TGFB2: variants seen among roughly 807,000 people sequenced by gnomAD.
TGFB2 encodes the protein transforming growth factor beta 2, also known as transforming growth factor beta-2 proprotein.
TGFB2 carries 13 observed loss-of-function variants against 42.7 expected under a neutral mutation model. The ratio of observed to expected loss-of-function variants is 0.30; its 90% CI spans 0.20 to 0.48. The LOEUF is 0.48. Among genes scored for constraint, TGFB2 ranks in the 20% least tolerant of loss-of-function variants. TGFB2 has a pLI of 0.99. For missense variants in TGFB2, 390 were observed against 517.5 expected, an observed-to-expected ratio of 0.75 and a Z score of 2.39; for synonymous variants, 193 against 193.6, an observed-to-expected ratio of 1.00 and a Z score of 0.03.
chr1:218,400,435 T>A (rs367572233), intron 1 of TGFB2, among the ~76,000 whole-genome samples: 14 of 152,070 alleles, frequency 9.2e-5, no homozygotes, highest in African/African-American at 3.4e-4. Flanking sequence ...ACTTGGAACA[T>A]GTAGTCCAGC....
At position 218,434,454 on chromosome 1, in the gene TGFB2, CA is replaced by C. The variant is rs1553303016; in HGVS notation, c.754+10del. The C allele has an allele frequency of 6.4e-7, 1 of 1,574,398 alleles. No individual in the cohort carries two copies. The highest frequency in any genetic ancestry group is 1.4e-5 in the African/African-American group (1 of 73,866). ...ACTAGAAGCAAGATTTGCAGGTAAC[CA>C]AAACTTGGTCATATGAGGTGGGGGA... On this transcript the variant is annotated splice_region_variant and intron_variant, in intron 4 of 6. Transcript: ENST00000366930.
chr1:218,438,875 G>A lies in TGFB2; in HGVS notation c.1086+1379G>A, dbSNP rs10482829. On this transcript the variant is annotated intron_variant, in intron 6 of 6. Coordinates refer to ENST00000366930, the MANE Select transcript of TGFB2 (RefSeq NM_003238.6). Reference sequence around the variant, plus strand: ...TGTATTTCCAGCACTTCGGGAGGCCGAGGCAGGTGGATCACGAGGTCAGGA... The same window carrying A: ...TGTATTTCCAGCACTTCGGGAGGCCAAGGCAGGTGGATCACGAGGTCAGGA... Among the ~76,000 whole-genome samples, 133 of 152,258 alleles carry A rather than the reference G, an allele frequency of 8.7e-4. 1 individual carries two copies. In the East Asian group the frequency reaches 0.01, roughly 12 times the overall value.
intron 1 of TGFB2, among the ~76,000 whole-genome samples, chr1:218,358,397 CT>C (rs1445580027): frequency 6.6e-6 from 1 of 152,158 alleles, no homozygotes; most frequent in Non-Finnish European, 1.5e-5. Flanking sequence ...GTAGCAGTAA[CT>C]TTGTCATTTC....
At position 218,437,374 on chromosome 1, in the gene TGFB2, C is replaced by T. The variant is rs2102630024; in HGVS notation, c.964C>T (p.Leu322Phe). 2 of 1,605,942 alleles carry T rather than the reference C, an allele frequency of 1.2e-6. No homozygotes were observed. Among genetic ancestry groups the T allele is most frequent in the African/African-American group, 1.4e-5 (1 of 73,584 alleles). Residue 322 changes from leucine to phenylalanine, a missense_variant, in exon 6 of 7, where the codon CTT becomes TTT. Leu to Phe is a conservative substitution (Grantham distance 22). Coordinates refer to ENST00000366930, the MANE Select transcript of TGFB2 (RefSeq NM_003238.6). ...NVQDNCCLRP[L>F]YIDFKRDLGW... is the part of the protein sequence containing the mutation. ...GCAGGATAATTGCTGCCTACGTCCA[C>T]TTTACATTGATTTCAAGAGGGATCT...
intron 1 of TGFB2, among the ~76,000 whole-genome samples, chr1:218,386,436 G>A (rs1343161317): frequency 1.3e-5 from 2 of 152,190 alleles, no homozygotes; most frequent in East Asian, 1.9e-4. Context: ...TTCAAATGTA[G>A]GCACTGCTCC....
chr1:218,381,258 G>GC (rs563359869), intron 1 of TGFB2, among the ~76,000 whole-genome samples: 3 of 137,746 alleles, frequency 2.2e-5, no homozygotes, highest in Non-Finnish European at 4.7e-5. Flanking sequence ...TTTTGTTTTT[G>GC]TTTTTTTTTT....
chr1:218,375,902 T>C (rs1452185365), intron 1 of TGFB2, among the ~76,000 whole-genome samples: 1 of 152,194 alleles, frequency 6.6e-6, no homozygotes, highest in East Asian at 1.9e-4. Context: ...ATCCTGCATA[T>C]GTACCCCTGA....
chr1:218,444,465 G>A lies in TGFB2; in HGVS notation c.*3103G>A, dbSNP rs1660256389. On this transcript the variant is annotated 3_prime_UTR_variant, in exon 7 of 7. Coordinates refer to ENST00000366930, the MANE Select transcript of TGFB2 (RefSeq NM_003238.6). Reference sequence around the variant, plus strand: ...GTTGGTTGTTTGGGATCAGCTACTTGCCTGTCAGTTTCACTGGTACCACTG... The same window carrying A: ...GTTGGTTGTTTGGGATCAGCTACTTACCTGTCAGTTTCACTGGTACCACTG... 1.3e-5 allele frequency: 2 copies of A among 152,144 alleles called. No homozygotes were observed. Among genetic ancestry groups the A allele is most frequent in the South Asian group, 4.1e-4 (2 of 4,826 alleles). 9.4% of individuals were successfully genotyped at this position (152,144 alleles called of 1,614,324 possible).
At chr1:218,430,190 CG>C (rs1558260232) in intron 2 of TGFB2, among the ~76,000 whole-genome samples, 1 of 151,476 alleles carries the variant, frequency 6.6e-6, no homozygotes, top group African/African-American at 2.4e-5. Flanking sequence ...GTGGGTGGCT[CG>C]AGACCAGCCT....
chr1:218,361,009 C>A (rs1657191913), intron 1 of TGFB2, among the ~76,000 whole-genome samples: 1 of 152,224 alleles, frequency 6.6e-6, no homozygotes, highest in Non-Finnish European at 1.5e-5. Flanking sequence ...CACGTGGCAC[C>A]ACACCCAGTT....
intron 1 of TGFB2, among the ~76,000 whole-genome samples, chr1:218,368,022 C>G (rs756685775): frequency 6.6e-6 from 1 of 152,098 alleles, no homozygotes; most frequent in Non-Finnish European, 1.5e-5. Context: ...AGTATGGTCT[C>G]GATCTCTTGA....
At chr1:218,418,927 AC>A (rs369057393) in intron 2 of TGFB2, among the ~76,000 whole-genome samples, 136 of 152,212 alleles carry the variant, frequency 8.9e-4, no homozygotes, top group African/African-American at 3.2e-3. Flanking sequence ...AGTCCAATAA[AC>A]CTTTTTATTT....
At chr1:218,365,605 A>T (rs1049535533) in intron 1 of TGFB2, among the ~76,000 whole-genome samples, 22 of 151,840 alleles carry the variant, frequency 1.4e-4, no homozygotes, top group Admixed American at 1.2e-3. Context: ...GGCTCTGGAA[A>T]AACCCTGCAG....
chr1:218,403,922 G>GT (rs749356103), intron 1 of TGFB2, among the ~76,000 whole-genome samples: 8 of 152,084 alleles, frequency 5.3e-5, no homozygotes, highest in Admixed American at 1.3e-4. Context: ...AAACATACCT[G>GT]TAACAAGTGG....
At position 218,442,310 on chromosome 1, in the gene TGFB2, T is replaced by C. The variant is rs914154165; in HGVS notation, c.*948T>C. ...TCCTTTGTTTTGGTATATGTAACCA[T>C]ACCTATATTATTAAAATAGATGGAT... On this transcript the variant is annotated 3_prime_UTR_variant, in exon 7 of 7. Transcript: ENST00000366930. The C allele has an allele frequency of 3.3e-5, 5 of 152,294 alleles. No homozygotes were observed. Among genetic ancestry groups the C allele is most frequent in the Non-Finnish European group, 7.4e-5 (5 of 67,984 alleles). The allele number at this position is 152,294 out of a possible 1,614,324, so 9.4% of individuals were successfully genotyped here. A position where few individuals can be genotyped will look rare whatever the true frequency, so the allele number is the denominator to read the frequency against.
intron 6 of TGFB2, 137 bp downstream of exon 6, chr1:218,437,633 A>T: frequency 1.0e-6 from 1 of 959,180 alleles, no homozygotes; most frequent in Non-Finnish European, 1.4e-6. Flanking sequence ...AAAATCTTTC[A>T]TTAGGTTGGT....
chr1:218,437,357 A>G lies in TGFB2; in HGVS notation c.947A>G (p.Asn316Ser), dbSNP rs754350645. 2.5e-6 allele frequency: 4 copies of G among 1,595,452 alleles called. No homozygotes were observed. Among genetic ancestry groups the G allele is most frequent in the African/African-American group, 1.4e-5 (1 of 73,086 alleles). The change falls in exon 6 of 7, where the codon AAT (asparagine) becomes AGT (serine). Residue 316 changes from asparagine (N) to serine (S), a missense_variant. Transcript: ENST00000366930. ...AAYCFRNVQD[N>S]CCLRPLYIDF... Reference sequence around the variant, plus strand: ...TTTTTTAACAGAAATGTGCAGGATAATTGCTGCCTACGTCCACTTTACATT... The same window carrying G: ...TTTTTTAACAGAAATGTGCAGGATAGTTGCTGCCTACGTCCACTTTACATT...
At chr1:218,434,030 A>G (rs1659889811) in intron 2 of TGFB2, 52 bp from the exon 3 acceptor site, 3 of 1,606,452 alleles carry the variant, frequency 1.9e-6, no homozygotes, top group Non-Finnish European at 1.7e-6. Flanking sequence ...TGGTTTAGTC[A>G]TGCTGTCAGA....
intron 1 of TGFB2, among the ~76,000 whole-genome samples, chr1:218,363,872 T>C (rs1657298379): frequency 6.6e-6 from 1 of 152,180 alleles, no homozygotes; most frequent in Non-Finnish European, 1.5e-5. Flanking sequence ...GAAAGGAGAT[T>C]TTCTCTCCTT....
Sources: gnomAD v4.1 joint callset for allele counts (sites outside exome capture counted in the v4.1 genomes callset) on GRCh38, gnomAD v4.1.1 for gene constraint, MANE v1.5 for transcripts, NCBI Gene and HGNC (gene_info 2026-07-23, HGNC 2026-07-21) for gene names.